HDAC7: variants seen among roughly 807,000 people sequenced by gnomAD.
HDAC7 encodes the protein histone deacetylase 7A.
In HDAC7, 26 loss-of-function variants were observed where a neutral mutation model predicts 115.5. The ratio of observed to expected loss-of-function variants is 0.23; its 90% CI spans 0.16 to 0.31. HDAC7 has a LOEUF of 0.31. Ranked by LOEUF, HDAC7 falls within the 10% of genes least tolerant of loss-of-function variation. HDAC7 has a pLI of 1.00. For missense variants in HDAC7, 1,068 were observed against 1,329.0 expected, an observed-to-expected ratio of 0.80 and a Z score of 3.05; for synonymous variants, 564 against 550.9, an observed-to-expected ratio of 1.02 and a Z score of -0.33.
At chr12:47,809,689 G>A (rs1944565854) in intron 1 of HDAC7, among the ~76,000 whole-genome samples, 2 of 151,944 alleles carry the variant, frequency 1.3e-5, no homozygotes, top group African/African-American at 4.8e-5. Flanking sequence ...TCCTGCCTCA[G>A]CCTCCTAAGT....
intron 21 of HDAC7, among the ~76,000 whole-genome samples, 188 bp from the exon 22 acceptor site, chr12:47,786,891 G>T (rs1159801871): frequency 6.6e-6 from 1 of 152,218 alleles, no homozygotes; most frequent in Non-Finnish European, 1.5e-5. Context: ...CACAGCCTAA[G>T]GACTCAGCCC....
At chr12:47,785,562 A>G in intron 23 of HDAC7, 91 bp from the exon 24 acceptor site, 2 of 1,408,764 alleles carry the variant, frequency 1.4e-6, no homozygotes, top group Non-Finnish European at 2.0e-6. Context: ...TCTAGCCACA[A>G]GCACACTCTA....
intron 7 of HDAC7, 54 bp from the exon 8 acceptor site, chr12:47,796,352 G>GC: frequency 7.2e-7 from 1 of 1,385,406 alleles, no homozygotes; most frequent in Non-Finnish European, 9.9e-7. Context: ...GGGCAGGAGG[G>GC]TACAGCCAGG....
Position 47,791,303 on chromosome 12 carries a change from G to A in HDAC7, c.1939C>T (p.Leu647=), listed in dbSNP as rs1255180034. The change falls in exon 16 of 26, where the codon CTG becomes TTG. Residue 647 remains leucine (L), a synonymous_variant. Coordinates refer to ENST00000080059, the MANE Select transcript of HDAC7 (RefSeq NM_015401.5). ...AGCATCACAAACATCCGCTGTGCCA[G>A]GAGCCCTGCGGGGAGAGGCCCAGCC... The part of the protein sequence containing the change: ...KLDNGKLAGL[L]AQRMFVMLPC... The A allele has an allele frequency of 1.7e-5, 27 of 1,593,922 alleles. No homozygotes were observed. The highest frequency in any genetic ancestry group is 2.2e-5 in the Non-Finnish European group (26 of 1,170,152).
Position 47,784,149 on chromosome 12 carries a change from C to A in HDAC7, c.2860G>T (p.Ala954Ser). 1 of 1,613,672 alleles carries A rather than the reference C, an allele frequency of 6.2e-7. No individual in the cohort carries two copies. The highest frequency in any genetic ancestry group is 8.5e-7 in the Non-Finnish European group (1 of 1,179,846). ...PDSWVPRVPG[A>S]DKEEVEAVTA... ...ACTGCCTCCACTTCTTCTTTGTCAG[C>A]CCCTGGCACTCTAGGCACCCAGGAG... The change falls in exon 25 of 26, where the codon GCT (alanine) becomes TCT (serine). Residue 954 changes from alanine (A) to serine (S), a missense_variant. Ala to Ser is a moderately conservative substitution (Grantham distance 99, BLOSUM62 1). Around this residue, in one of 6 missense-constraint regions of HDAC7, gnomAD observed 98 missense variants for 123.9 expected, o/e 0.79. Coordinates refer to ENST00000080059, the MANE Select transcript of HDAC7 (RefSeq NM_015401.5).
rs367620565 is a variant in HDAC7, at chr12:47,789,225, C to A, written c.2235+36G>T. The A allele has an allele frequency of 1.8e-4, 266 of 1,504,668 alleles. 1 individual carries two copies. The highest frequency in any genetic ancestry group is 2.3e-4 in the Non-Finnish European group (253 of 1,081,334). The allele number at this position is 1,504,668 out of a possible 1,614,324, so 93.2% of individuals were successfully genotyped here. On this transcript the variant is annotated intron_variant, in intron 19 of 25. Coordinates refer to ENST00000080059, the MANE Select transcript of HDAC7 (RefSeq NM_015401.5). ...CAGGCTCAGGGCTTTTCCCCCAGGGCTCTCGAATTGGAGGGTGCTACGGAC... is the reference window on the plus strand; with the variant it reads ...CAGGCTCAGGGCTTTTCCCCCAGGGATCTCGAATTGGAGGGTGCTACGGAC...
chr12:47,790,179 C>T lies in HDAC7; in HGVS notation c.1984-259G>A, dbSNP rs752292380. The T allele has an allele frequency of 6.1e-5, 30 of 489,644 alleles. 1 individual carries two copies. The highest frequency in any genetic ancestry group is 8.6e-5 in the Non-Finnish European group (23 of 266,628). 30.3% of individuals were successfully genotyped at this position (489,644 alleles called of 1,614,324 possible). ...GCTGGCAGCATCACGCCTGCCTCCC[C>T]GGTCAGGGGAGGGGGCATGGCGTTA... is the stretch of plus-strand genomic sequence containing the variant. On this transcript the variant is annotated intron_variant, in intron 16 of 25. Coordinates refer to ENST00000080059, the MANE Select transcript of HDAC7 (RefSeq NM_015401.5).
At position 47,795,783 on chromosome 12, in the gene HDAC7, GA is replaced by G. The variant is rs1565809140; in HGVS notation, c.907-17del. On this transcript the variant is annotated splice_polypyrimidine_tract_variant and intron_variant, in intron 9 of 25. Coordinates refer to ENST00000080059, the MANE Select transcript of HDAC7 (RefSeq NM_015401.5). This position sits in a 1 kb window ranked among gnomAD's most constrained non-coding sequence, Gnocchi z 4.3. ...CACTGTCAGCCTGGGGGAGAGGCGG[GA>G]GAAGTCACGGGGAAGAAGATTCCAG... 2 of 1,520,696 alleles carry G rather than the reference GA, an allele frequency of 1.3e-6. No homozygotes were observed. The highest frequency in any genetic ancestry group is 2.5e-5 in the South Asian group (2 of 78,772). 94.2% of individuals were successfully genotyped at this position (1,520,696 alleles called of 1,614,324 possible).
chr12:47,787,328 AG>A (rs1319906208), intron 21 of HDAC7, among the ~76,000 whole-genome samples: 1 of 152,160 alleles, frequency 6.6e-6, no homozygotes, highest in African/African-American at 2.4e-5. Context: ...AGAAGACTCC[AG>A]GAACTCCAGC....
At chr12:47,805,368 C>G (rs1297999849) in intron 1 of HDAC7, among the ~76,000 whole-genome samples, 1 of 152,144 alleles carries the variant, frequency 6.6e-6, no homozygotes, top group African/African-American at 2.4e-5. Context: ...CTGTTCCCAC[C>G]TCCCTGGACT....
rs545598578 is a variant in HDAC7 at position 47,803,411 on chromosome 12, G to A, written c.20-1137C>T. Among the ~76,000 whole-genome samples, 11 of 152,234 alleles carry A rather than the reference G, an allele frequency of 7.2e-5. No individual in the cohort carries two copies. Among genetic ancestry groups the A allele is most frequent in the South Asian group, 2.1e-4 (1 of 4,814 alleles). ...AAATGAGAACTTCCTGCAGGCAGGC[G>A]CTGCTGGGGGAGGGGGCAGCCTGGG... On this transcript the variant is annotated intron_variant, in intron 1 of 25. Transcript: ENST00000080059. The surrounding 1 kb of genome is among the most constrained non-coding windows in gnomAD (Gnocchi z 4.0).
Position 47,810,737 on chromosome 12 carries a change from G to A in HDAC7, c.20-8463C>T, listed in dbSNP as rs184968355. 2.5e-3 allele frequency among the ~76,000 whole-genome samples: 373 copies of A among 152,142 alleles called. 3 individuals are homozygous for A. The highest frequency in any genetic ancestry group is 8.5e-3 in the African/African-American group (354 of 41,484). ...CTGTCAAGCCCTCTACAAAATGCGG[G>A]TTGCATAACCAGAGCAAGTCACCCT... On this transcript the variant is annotated intron_variant, in intron 1 of 25. Transcript: ENST00000080059.
rs534333412 is a variant in HDAC7 at position 47,790,160 on chromosome 12, A to G, written c.1984-240T>C. ...ATTATCTGGCCAGCACTCTGCTGGC[A>G]GCATCACGCCTGCCTCCCCGGTCAG... On this transcript the variant is annotated intron_variant, in intron 16 of 25. Coordinates refer to ENST00000080059, the MANE Select transcript of HDAC7 (RefSeq NM_015401.5). 113 of 535,916 alleles carry G rather than the reference A, an allele frequency of 2.1e-4. No homozygotes were observed. In the Middle Eastern group the frequency reaches 4.5e-3, roughly 21 times the overall value. The allele number at this position is 535,916 out of a possible 1,614,324, so 33.2% of individuals were successfully genotyped here. A position where few individuals can be genotyped will look rare whatever the true frequency, so the allele number is the denominator to read the frequency against.
In HDAC7 at chr12:47,797,291, GCCC is replaced by G; in HGVS notation, c.577+90_577+92del. 7 of 1,336,044 alleles carry G rather than the reference GCCC, an allele frequency of 5.2e-6. No homozygotes were observed. Among genetic ancestry groups the G allele is most frequent in the Non-Finnish European group, 7.4e-6 (7 of 948,818 alleles). 82.8% of individuals were successfully genotyped at this position (1,336,044 alleles called of 1,614,324 possible). ...AGCCTACCGATGATCTCCTGGCCCA[GCCC>G]AGCCCGCCCACCCCTGCACACTCCT... On this transcript the variant is annotated intron_variant, in intron 6 of 25. Transcript: ENST00000080059. This position sits in a 1 kb window ranked among gnomAD's most constrained non-coding sequence, Gnocchi z 5.5.
At chr12:47,816,772 G>C (rs1313990935) in intron 1 of HDAC7, among the ~76,000 whole-genome samples, 6 of 152,202 alleles carry the variant, frequency 3.9e-5, no homozygotes, top group Non-Finnish European at 8.8e-5. Context: ...ACTGGAGGAG[G>C]GCAGTGGGGA....
At chr12:47,811,730 T>G (rs574852390) in intron 1 of HDAC7, among the ~76,000 whole-genome samples, 6 of 152,236 alleles carry the variant, frequency 3.9e-5, no homozygotes, top group Non-Finnish European at 8.8e-5. Flanking sequence ...CGGGCTCCCG[T>G]GAGCATTAGT....
At position 47,783,260 on chromosome 12, in the gene HDAC7, C is replaced by T. The variant is rs77190323; in HGVS notation, c.*581G>A. 2,099 of 155,808 alleles carry T rather than the reference C, an allele frequency of 0.013. 29 individuals carry two copies. The highest frequency in any genetic ancestry group is 0.018 in the Non-Finnish European group (1,280 of 70,078). 9.7% of individuals were successfully genotyped at this position (155,808 alleles called of 1,614,324 possible). ...GGACCAGATGGAGGGCTGCCAGTCT[C>T]GGCTGTCAGGGAGCTTCGTCTCAGT... On this transcript the variant is annotated 3_prime_UTR_variant, in exon 26 of 26. Transcript: ENST00000080059.
At position 47,803,708 on chromosome 12, in the gene HDAC7, C is replaced by T. The variant is rs916250616; in HGVS notation, c.20-1434G>A. Among the ~76,000 whole-genome samples the T allele has an allele frequency of 2.0e-5, 3 of 152,196 alleles. No individual in the cohort carries two copies. Among genetic ancestry groups the T allele is most frequent in the Non-Finnish European group, 2.9e-5 (2 of 68,032 alleles). On this transcript the variant is annotated intron_variant, in intron 1 of 25. Coordinates refer to ENST00000080059, the MANE Select transcript of HDAC7 (RefSeq NM_015401.5). This position sits in a 1 kb window ranked among gnomAD's most constrained non-coding sequence, Gnocchi z 4.0. ...TCTGCACCAAACACCTCGCAGGGCACGTGGCAGGCTCTGTTAGTAGCTGAC... is the reference window on the plus strand; with the variant it reads ...TCTGCACCAAACACCTCGCAGGGCATGTGGCAGGCTCTGTTAGTAGCTGAC...
At chr12:47,818,343 CA>C (rs1475431582) in intron 1 of HDAC7, among the ~76,000 whole-genome samples, 5 of 152,360 alleles carry the variant, frequency 3.3e-5, no homozygotes, top group African/African-American at 1.2e-4. Flanking sequence ...CCAATAGGTC[CA>C]AGACCTGGTT....
Sources: gnomAD v4.1 joint callset for allele counts (sites outside exome capture counted in the v4.1 genomes callset) on GRCh38, gnomAD v4.1.1 for gene constraint, gnomAD v4.1.1 regional missense constraint, Gnocchi (gnomAD v3.1) non-coding constraint, MANE v1.5 for transcripts, NCBI Gene and HGNC (gene_info 2026-07-23, HGNC 2026-07-21) for gene names.